Variants in NUDT7 observed in about 807,000 individuals in gnomAD.
NUDT7 encodes peroxisomal coenzyme A diphosphatase NUDT7.
In NUDT7, 19 loss-of-function variants were observed where a neutral mutation model predicts 13.1. The observed-to-expected ratio is 1.45, with a 90% CI of 1.01 to 2.13. The LOEUF is 2.13. NUDT7 is among the 30% of genes most tolerant of loss of function. NUDT7 has a pLI of 0.00. For missense variants in NUDT7, 360 were observed against 291.7 expected (o/e 1.23, Z -1.71); for synonymous variants, 132 against 109.7 (o/e 1.20, Z -1.27).
In NUDT7 at chr16:77,742,106, T is replaced by TTGTC. The variant is rs1294913263; in HGVS notation, c.*159_*162dup. 1.9e-5 allele frequency: 26 copies of TTGTC among 1,390,346 alleles called. No homozygotes were observed. Among genetic ancestry groups the TTGTC allele is most frequent in the Non-Finnish European group, 2.3e-5 (25 of 1,077,526 alleles). 86.1% of individuals were successfully genotyped at this position (1,390,346 alleles called of 1,614,324 possible). ...TTGCCTCTTTTCCAGTTGCCTTCTA[T>TTGTC]TGTCTGAAAAAGTAAAAGCCATTCA... On this transcript the variant is annotated 3_prime_UTR_variant, in exon 4 of 4. Coordinates refer to ENST00000268533, the MANE Select transcript of NUDT7 (RefSeq NM_001105663.3).
chr16:77,739,420 C>G (rs946580591), intron 3 of NUDT7, among the ~76,000 whole-genome samples: 1 of 152,150 alleles, frequency 6.6e-6, no homozygotes, highest in African/African-American at 2.4e-5. Context: ...AACTTCCTGA[C>G]ATTGCCGTGG....
chr16:77,730,386 C>T (rs1272798795), intron 2 of NUDT7, among the ~76,000 whole-genome samples: 1 of 152,164 alleles, frequency 6.6e-6, no homozygotes, highest in Non-Finnish European at 1.5e-5. Flanking sequence ...GCATCTGTGA[C>T]TGGCTTATTT....
Position 77,735,930 on chromosome 16 carries a change from G to C in NUDT7, c.292G>C (p.Gly98Arg), listed in dbSNP as rs775896259. Reference protein sequence around the residue: ...TALREAQEEVGLRPHQVEVVC... With the variant: ...TALREAQEEVRLRPHQVEVVC... ...TCTCCGGGAAGCCCAGGAGGAAGTG[G>C]GTCTCCGTCCTCACCAAGTGGAAGT... Residue 98 changes from glycine (G) to arginine (R), a missense_variant, in exon 3 of 4, where the codon GGT becomes CGT. By Grantham distance (125) the Gly-to-Arg change is moderately radical. Transcript: ENST00000268533. The C allele has an allele frequency of 1.9e-6, 3 of 1,613,984 alleles. No individual in the cohort carries two copies. Among genetic ancestry groups the C allele is most frequent in the South Asian group, 2.2e-5 (2 of 91,070 alleles).
chr16:77,725,639 C>G (rs760887327), intron 2 of NUDT7, 55 bp downstream of exon 2: 4 of 1,547,620 alleles, frequency 2.6e-6, no homozygotes, highest in Non-Finnish European at 2.6e-6. Context: ...GAAGACCTCA[C>G]GAGATTTTGT....
intron 1 of NUDT7, among the ~76,000 whole-genome samples, chr16:77,724,302 C>T (rs535207540): frequency 1.3e-5 from 2 of 152,220 alleles, no homozygotes; most frequent in South Asian, 2.1e-4. Context: ...CACTCTGTCA[C>T]CCAGGCCGGA....
In NUDT7 at chr16:77,736,191, C is replaced by T. The variant is rs568322551; in HGVS notation, c.348+205C>T. 3 of 505,604 alleles carry T rather than the reference C, an allele frequency of 5.9e-6. No individual in the cohort carries two copies. In the Admixed American group the frequency reaches 9.5e-5, roughly 16 times the overall value. 31.3% of individuals were successfully genotyped at this position (505,604 alleles called of 1,614,324 possible). ...CCTCTCCGGACCCCTCTTTCCCCAT[C>T]CAGAAATAAAAGGGTTGAACTCCCA... On this transcript the variant is annotated intron_variant, in intron 3 of 3. Transcript: ENST00000268533.
intron 3 of NUDT7, chr16:77,737,441 C>G (rs1439115957): frequency 2.0e-5 from 3 of 152,010 alleles, no homozygotes; most frequent in Admixed American, 2.0e-4. Flanking sequence ...GCTCTCATCA[C>G]ACAGTATCAG....
chr16:77,725,950 A>C (rs2014121906), intron 2 of NUDT7, among the ~76,000 whole-genome samples: 1 of 152,030 alleles, frequency 6.6e-6, no homozygotes, highest in Non-Finnish European at 1.5e-5. Context: ...ACACAAACAC[A>C]AGCTCACACA....
At chr16:77,729,105 A>C (rs1278613152) in intron 2 of NUDT7, among the ~76,000 whole-genome samples, 1 of 152,184 alleles carries the variant, frequency 6.6e-6, no homozygotes, top group Non-Finnish European at 1.5e-5. Flanking sequence ...AGAAATGTAT[A>C]CTATTTATCA....
intron 2 of NUDT7, 142 bp from the exon 3 acceptor site, chr16:77,735,686 G>T (rs975797730): frequency 3.9e-5 from 29 of 748,338 alleles, no homozygotes; most frequent in Non-Finnish European, 6.1e-5. Flanking sequence ...AAACACATTT[G>T]TGGGCAATAG....
chr16:77,741,472 T>A (rs760377432), intron 3 of NUDT7, 110 bp from the exon 4 acceptor site: 19 of 1,147,566 alleles, frequency 1.7e-5, no homozygotes, highest in Non-Finnish European at 2.3e-5. Flanking sequence ...TTCTTCCCCT[T>A]CTCCCAGGTT....
At chr16:77,726,949 T>TAGCAGAC (rs1555503888) in intron 2 of NUDT7, among the ~76,000 whole-genome samples, 1 of 151,706 alleles carries the variant, frequency 6.6e-6, no homozygotes, top group African/African-American at 2.4e-5. Context: ...TGTACCATCA[T>TAGCAGAC]GGCAGAGGGG....
At chr16:77,726,978 G>T (rs968428671) in intron 2 of NUDT7, among the ~76,000 whole-genome samples, 3 of 151,938 alleles carry the variant, frequency 2.0e-5, no homozygotes, top group Admixed American at 1.3e-4. Flanking sequence ...GCAAGAGAGA[G>T]AGCAGGGAAA....
chr16:77,729,696 A>C (rs1249389401), intron 2 of NUDT7, among the ~76,000 whole-genome samples: 1 of 152,038 alleles, frequency 6.6e-6, no homozygotes, highest in African/African-American at 2.4e-5. Flanking sequence ...GTGGTGGTGC[A>C]CACCTGTAGT....
At position 77,741,583 on chromosome 16, in the gene NUDT7, C is replaced by G. The variant is rs2014661463; in HGVS notation, c.350C>G (p.Thr117Arg). 1 of 1,598,298 alleles carries G rather than the reference C, an allele frequency of 6.3e-7. No individual in the cohort carries two copies. Among genetic ancestry groups the G allele is most frequent in the South Asian group, 1.1e-5 (1 of 89,132 alleles). Residue 117 changes from threonine to arginine, a missense_variant and splice_region_variant, in exon 4 of 4, where the codon ACA (threonine) becomes AGA (arginine). Physicochemically the swap from Thr to Arg is moderately conservative, Grantham distance 71. Coordinates refer to ENST00000268533, the MANE Select transcript of NUDT7 (RefSeq NM_001105663.3). ...VCCLVPCLIDTDTLITPFVGL... is the reference protein window; with the variant it reads ...VCCLVPCLIDRDTLITPFVGL... ...GTCTGTTTTGTTTTCTGCTTTTAGA[C>G]AGATACATTGATAACTCCATTTGTG... is the stretch of plus-strand genomic sequence containing the variant.
chr16:77,730,927 AT>A (rs71984117), intron 2 of NUDT7, among the ~76,000 whole-genome samples: 18 of 150,798 alleles, frequency 1.2e-4, no homozygotes, highest in East Asian at 3.9e-4. Flanking sequence ...CCATTTTTAA[AT>A]TTTTTTTTAT....
chr16:77,740,510 C>T (rs2014625233), intron 3 of NUDT7, among the ~76,000 whole-genome samples: 1 of 152,160 alleles, frequency 6.6e-6, no homozygotes. Context: ...TTTCATTTGA[C>T]AACACTCATG....
In NUDT7 at chr16:77,742,063, A is replaced by G; in HGVS notation, c.*113A>G. The stretch of plus-strand genomic sequence containing the variant: ...TGACAGGTGTGAATATTTTTTCTGC[A>G]GTATGTAGTTAGAATCCTTGCCTCT... On this transcript the variant is annotated 3_prime_UTR_variant, in exon 4 of 4. Coordinates refer to ENST00000268533, the MANE Select transcript of NUDT7 (RefSeq NM_001105663.3). The G allele has an allele frequency of 4.7e-6, 7 of 1,478,712 alleles. No homozygotes were observed. The highest frequency in any genetic ancestry group is 1.8e-6 in the Non-Finnish European group (2 of 1,124,018). The allele number at this position is 1,478,712 out of a possible 1,614,324, so 91.6% of individuals were successfully genotyped here. A position where few individuals can be genotyped will look rare whatever the true frequency, so the allele number is the denominator to read the frequency against.
At chr16:77,735,410 C>T in intron 2 of NUDT7, 3 of 610,782 alleles carry the variant, frequency 4.9e-6, no homozygotes, top group Non-Finnish European at 5.9e-6. Flanking sequence ...GAAGTGCTTG[C>T]TCCTCCTTTA....
Sources: gnomAD v4.1 joint callset for allele counts (sites outside exome capture counted in the v4.1 genomes callset) on GRCh38, gnomAD v4.1.1 for gene constraint, MANE v1.5 for transcripts, NCBI Gene and HGNC (gene_info 2026-07-23, HGNC 2026-07-21) for gene names.